HEXB: variants seen among roughly 807,000 people sequenced by gnomAD.
The protein encoded by HEXB is beta-hexosaminidase subunit beta.
In HEXB, 51 loss-of-function variants were observed where a neutral mutation model predicts 71.2. That is an observed-to-expected ratio of 0.72 (90% CI 0.57 to 0.90). The LOEUF is 0.90. HEXB is among the 40% of genes least tolerant of loss of function. HEXB has a pLI of 0.00. For synonymous variants in HEXB, 266 were observed against 249.3 expected, an observed-to-expected ratio of 1.07 and a Z score of -0.63; for missense variants, 617 against 677.0, an observed-to-expected ratio of 0.91 and a Z score of 0.98.
At chr5:74,719,455 C>T (rs1328842165) in intron 11 of HEXB, among the ~76,000 whole-genome samples, 1 of 152,150 alleles carries the variant, frequency 6.6e-6, no homozygotes, top group African/African-American at 2.4e-5. Context: ...AAGGGTGGAG[C>T]TTCAGGCTCT....
At chr5:74,701,259 ATCC>A (rs1427771926) in intron 5 of HEXB, among the ~76,000 whole-genome samples, 1 of 152,102 alleles carries the variant, frequency 6.6e-6, no homozygotes, top group African/African-American at 2.4e-5. Flanking sequence ...TATGCTTAGA[ATCC>A]TCCTCTACAA....
chr5:74,685,303 C>G lies in HEXB; in HGVS notation c.43C>G (p.Leu15Val). The change falls in exon 1 of 14, where the codon CTG (leucine) becomes GTG (valine). Residue 15 changes from leucine to valine, a missense_variant. Leu to Val is a conservative substitution (Grantham distance 32). Transcript: ENST00000261416. ...GLGLPRPPML[L>V]ALLLATLLAA... Reference sequence around the variant, plus strand: ...GGGGCTGCCCCGGCCGCCCATGCTGCTGGCGCTGCTGTTGGCGACACTGCT... The same window carrying G: ...GGGGCTGCCCCGGCCGCCCATGCTGGTGGCGCTGCTGTTGGCGACACTGCT... 6.4e-7 allele frequency: 1 copy of G among 1,561,418 alleles called. No homozygotes were observed. The highest frequency in any genetic ancestry group is 8.6e-7 in the Non-Finnish European group (1 of 1,157,090).
Position 74,715,401 on chromosome 5 carries a change from G to A in HEXB, c.902-109G>A, listed in dbSNP as rs534037195. 8.1e-4 allele frequency: 622 copies of A among 769,338 alleles called. 1 individual carries two copies. The highest frequency in any genetic ancestry group is 5.2e-3 in the Middle Eastern group (15 of 2,904). The allele number at this position is 769,338 out of a possible 1,614,324, so 47.7% of individuals were successfully genotyped here. On this transcript the variant is annotated intron_variant, in intron 7 of 13. Coordinates refer to ENST00000261416, the MANE Select transcript of HEXB (RefSeq NM_000521.4). ...CTTAGTAAACATGTTCATCTTTTGTGTATAAAATCTTGTAGCTTCAATAAA... is the reference window on the plus strand; with the variant it reads ...CTTAGTAAACATGTTCATCTTTTGTATATAAAATCTTGTAGCTTCAATAAA...
chr5:74,645,955 A>ATT (rs11413881), intron 1 of HEXB, among the ~76,000 whole-genome samples: 352 of 151,032 alleles, frequency 2.3e-3, no homozygotes, highest in African/African-American at 7.9e-3. Context: ...TCTGCATACT[A>ATT]TTTTTTTTTA....
At chr5:74,711,572 C>G (rs1749542339) in intron 6 of HEXB, among the ~76,000 whole-genome samples, 1 of 152,120 alleles carries the variant, frequency 6.6e-6, no homozygotes, top group Non-Finnish European at 1.5e-5. Context: ...ACAATGAACA[C>G]AAACAAATTT....
intron 1 of HEXB, among the ~76,000 whole-genome samples, chr5:74,677,490 CTTTTTTT>C (rs566302720): frequency 9.4e-4 from 73 of 77,290 alleles, no homozygotes; most frequent in South Asian, 1.7e-3. Context: ...TCTTCTTCTT[CTTTTTTT>C]TTTTTTTTTT....
At chr5:74,680,923 A>G (rs568760391), upstream of HEXB, among the ~76,000 whole-genome samples, 1 of 152,374 alleles carries the variant, frequency 6.6e-6, no homozygotes, top group South Asian at 2.1e-4. Context: ...AAATGAATTC[A>G]GTGGAAACAC....
At chr5:74,687,576 A>C (rs1748901956) in intron 1 of HEXB, among the ~76,000 whole-genome samples, 1 of 152,210 alleles carries the variant, frequency 6.6e-6, no homozygotes, top group Non-Finnish European at 1.5e-5. Flanking sequence ...ATACTGCCTC[A>C]CAGCCCTTTG....
intron 1 of HEXB, among the ~76,000 whole-genome samples, chr5:74,673,344 C>T (rs555352607): frequency 3.9e-5 from 6 of 152,270 alleles, no homozygotes; most frequent in African/African-American, 1.4e-4. Flanking sequence ...TTTCGGGTTG[C>T]TTATGGATAT....
At chr5:74,670,849 A>G (rs1174120324) in intron 1 of HEXB, among the ~76,000 whole-genome samples, 1 of 152,080 alleles carries the variant, frequency 6.6e-6, no homozygotes, top group East Asian at 1.9e-4. Context: ...GCTTGGAACA[A>G]TTGGCTGGAC....
chr5:74,655,066 C>CA (rs1748192462), intron 1 of HEXB, among the ~76,000 whole-genome samples: 1 of 152,106 alleles, frequency 6.6e-6, no homozygotes, highest in African/African-American at 2.4e-5. Context: ...GTGAGCCCCC[C>CA]AAGAGAGGCT....
chr5:74,677,694 T>A (rs914882353), intron 1 of HEXB, among the ~76,000 whole-genome samples: 27 of 152,064 alleles, frequency 1.8e-4, no homozygotes, highest in Admixed American at 1.7e-3. Context: ...TAAGTCTTTT[T>A]TTATTATTAT....
At chr5:74,698,340 C>T (rs1319096408) in intron 5 of HEXB, among the ~76,000 whole-genome samples, 7 of 151,698 alleles carry the variant, frequency 4.6e-5, no homozygotes, top group African/African-American at 1.5e-4. Flanking sequence ...TCCCAAAGTG[C>T]TGGGATTGCA....
At chr5:74,676,086 G>T (rs1292211368) in intron 1 of HEXB, among the ~76,000 whole-genome samples, 1 of 152,146 alleles carries the variant, frequency 6.6e-6, no homozygotes, top group Non-Finnish European at 1.5e-5. Flanking sequence ...TCTGAATTGA[G>T]CTATAATGTG....
At chr5:74,645,821 AT>A (rs1747991940) in intron 1 of HEXB, among the ~76,000 whole-genome samples, 1 of 152,178 alleles carries the variant, frequency 6.6e-6, no homozygotes, top group South Asian at 2.1e-4. Context: ...AGCGCTTATT[AT>A]TTTCTCAGAA....
intron 6 of HEXB, among the ~76,000 whole-genome samples, chr5:74,707,591 TAAAGGAGCTGATGGAGCTGA>T (rs1367362638): frequency 6.6e-6 from 1 of 152,134 alleles, no homozygotes; most frequent in East Asian, 1.9e-4. Context: ...GAGAAGGGCT[TAAAGGAGCTGATGGAGCTGA>T]AAGCCAAGGC....
chr5:74,719,003 G>GT, intron 11 of HEXB, 32 bp downstream of exon 11: 1 of 1,608,200 alleles, frequency 6.2e-7, no homozygotes, highest in Non-Finnish European at 8.5e-7. Context: ...AGTGTTGTGG[G>GT]TTACTGTGAA....
At chr5:74,709,782 T>G (rs940278947) in intron 6 of HEXB, among the ~76,000 whole-genome samples, 1 of 152,288 alleles carries the variant, frequency 6.6e-6, no homozygotes, top group Non-Finnish European at 1.5e-5. Context: ...GGAGCTGAAA[T>G]TGTGGCAATA....
At chr5:74,713,041 G>A (rs1442125940) in intron 6 of HEXB, among the ~76,000 whole-genome samples, 1 of 152,250 alleles carries the variant, frequency 6.6e-6, no homozygotes, top group Non-Finnish European at 1.5e-5. Context: ...TGTGCATTTT[G>A]ACTCTAAAAT....
Sources: gnomAD v4.1 joint callset for allele counts (sites outside exome capture counted in the v4.1 genomes callset) on GRCh38, gnomAD v4.1.1 for gene constraint, MANE v1.5 for transcripts, NCBI Gene and HGNC (gene_info 2026-07-23, HGNC 2026-07-21) for gene names.